Variants in NKAIN2 observed in about 807,000 individuals in gnomAD.
The protein encoded by NKAIN2 is sodium/potassium transporting ATPase interacting 2, also known as sodium/potassium-transporting ATPase subunit beta-1-interacting protein 2.
NKAIN2 carries 14 observed loss-of-function variants against 32.6 expected under a neutral mutation model. The observed-to-expected ratio is 0.43, with a 90% CI of 0.28 to 0.67. NKAIN2 has a LOEUF of 0.67. Among genes scored for constraint, NKAIN2 ranks in the 30% least tolerant of loss-of-function variants. The probability of loss-of-function intolerance (pLI) is 0.17; values close to 1 mark genes in which losing one functional copy is unlikely to be tolerated. For synonymous variants in NKAIN2, 80 were observed against 87.2 expected (o/e 0.92, Z 0.46); for missense variants, 198 against 258.3 (o/e 0.77, Z 1.60).
At chr6:124,503,602 T>C (rs940621383) in intron 3 of NKAIN2, among the ~76,000 whole-genome samples, 4 of 152,160 alleles carry the variant, frequency 2.6e-5, no homozygotes, top group African/African-American at 4.8e-5. Context: ...TTTAGAGTTT[T>C]ATGCCAATTA....
At chr6:124,723,691 G>C (rs11154257) in intron 4 of NKAIN2, among the ~76,000 whole-genome samples, 44,270 of 152,092 alleles carry the variant, frequency 0.29, 8,059 homozygotes, top group Admixed American at 0.41. Flanking sequence ...AGTTTTTACT[G>C]TAAGTAAGAA....
At chr6:124,281,699 A>G (rs553887414) in intron 1 of NKAIN2, among the ~76,000 whole-genome samples, 2 of 152,286 alleles carry the variant, frequency 1.3e-5, no homozygotes, top group East Asian at 1.9e-4. Context: ...TAGAGGTGTC[A>G]TGAATTTATT....
rs1301154812 is a variant in NKAIN2 at position 124,669,469 on chromosome 6, C to T, written c.474+11083C>T. ...TAAAAAAGAGCCAAAAGAGAATGGC[C>T]AGGGAAGGCCATTCTGTGATAGGTG... On this transcript the variant is annotated intron_variant, in intron 4 of 6. Coordinates refer to ENST00000368417, the MANE Select transcript of NKAIN2 (RefSeq NM_001040214.3). 2.6e-5 allele frequency among the ~76,000 whole-genome samples: 4 copies of T among 151,966 alleles called. No individual in the cohort carries two copies. The East Asian group carries it at 7.7e-4, about 29-fold the overall frequency.
intron 2 of NKAIN2, among the ~76,000 whole-genome samples, chr6:124,331,465 C>T (rs995572717): frequency 2.1e-5 from 3 of 145,428 alleles, no homozygotes; most frequent in Admixed American, 7.0e-5. Flanking sequence ...CGAGGCAGAC[C>T]TTGCAGTGAG....
In NKAIN2 at chr6:124,821,315, A is replaced by C. The variant is rs114987822; in HGVS notation, c.618-1905A>C. 6.0e-3 allele frequency among the ~76,000 whole-genome samples: 918 copies of C among 152,052 alleles called. 9 individuals are homozygous for C. The highest frequency in any genetic ancestry group is 0.021 in the African/African-American group (869 of 41,484). On this transcript the variant is annotated intron_variant, in intron 6 of 6. Transcript: ENST00000368417. ...GTCTCAAAAAAAAAAAAAAAGGAGA[A>C]TAAAATATCTACAAGGTTTGTAATT... is the stretch of plus-strand genomic sequence containing the variant.
intron 3 of NKAIN2, among the ~76,000 whole-genome samples, chr6:124,450,953 G>A (rs1185136981): frequency 6.6e-6 from 1 of 151,978 alleles, no homozygotes; most frequent in East Asian, 1.9e-4. Context: ...GTAAAAGTCA[G>A]TAATAATGCA....
At chr6:124,349,259 G>C (rs978552239) in intron 2 of NKAIN2, among the ~76,000 whole-genome samples, 1 of 151,954 alleles carries the variant, frequency 6.6e-6, no homozygotes, top group Admixed American at 6.6e-5. Flanking sequence ...TTGAATCCCA[G>C]GTTACCACAC....
chr6:124,404,646 A>G (rs1332465869), intron 3 of NKAIN2, among the ~76,000 whole-genome samples: 2 of 152,126 alleles, frequency 1.3e-5, no homozygotes, highest in East Asian at 1.9e-4. Context: ...AAACGACTAA[A>G]GAGTAATGGA....
At chr6:124,629,555 C>T (rs186990763) in intron 3 of NKAIN2, among the ~76,000 whole-genome samples, 1 of 152,070 alleles carries the variant, frequency 6.6e-6, no homozygotes, top group Non-Finnish European at 1.5e-5. Flanking sequence ...TGTCTCTTTA[C>T]GTTGAGGAAG....
Position 124,413,892 on chromosome 6 carries a change from A to T in NKAIN2, c.273+58545A>T, listed in dbSNP as rs189026054. 1.2e-3 allele frequency among the ~76,000 whole-genome samples: 180 copies of T among 152,282 alleles called. 1 individual carries two copies. Among genetic ancestry groups the T allele is most frequent in the African/African-American group, 4.0e-3 (165 of 41,576 alleles). ...TATATTGACATTGTAATTTATGAAC[A>T]TACTAAACTCATTTATTAGATCCAG... On this transcript the variant is annotated intron_variant, in intron 3 of 6. Coordinates refer to ENST00000368417, the MANE Select transcript of NKAIN2 (RefSeq NM_001040214.3).
At chr6:123,933,831 C>G (rs1160348837) in intron 1 of NKAIN2, among the ~76,000 whole-genome samples, 1 of 152,156 alleles carries the variant, frequency 6.6e-6, no homozygotes, top group Admixed American at 6.5e-5. Flanking sequence ...CCCTGGAATT[C>G]AGTGCTCACG....
chr6:124,632,541 C>A (rs1444320337), intron 3 of NKAIN2, among the ~76,000 whole-genome samples: 1 of 152,094 alleles, frequency 6.6e-6, no homozygotes, highest in East Asian at 1.9e-4. Flanking sequence ...AGTGAATACC[C>A]CCTCCTCTTA....
intron 1 of NKAIN2, among the ~76,000 whole-genome samples, chr6:124,208,727 A>T (rs1463774888): frequency 6.6e-6 from 1 of 150,912 alleles, no homozygotes; most frequent in Non-Finnish European, 1.5e-5. Flanking sequence ...TTTGACAGGA[A>T]ATTCCTGTAT....
At chr6:124,456,112 TA>T (rs1280824842) in intron 3 of NKAIN2, among the ~76,000 whole-genome samples, 1 of 151,922 alleles carries the variant, frequency 6.6e-6, no homozygotes, top group East Asian at 1.9e-4. Flanking sequence ...ACATAAACTT[TA>T]AAAAATATCC....
chr6:124,148,500 A>C (rs1787537974), intron 1 of NKAIN2, among the ~76,000 whole-genome samples: 1 of 152,142 alleles, frequency 6.6e-6, no homozygotes, highest in Non-Finnish European at 1.5e-5. Flanking sequence ...TAAACATACA[A>C]TAAGTGGTCT....
Position 124,202,361 on chromosome 6 carries a change from C to T in NKAIN2, c.55-80644C>T, listed in dbSNP as rs1008676270. Among the ~76,000 whole-genome samples, 4 of 151,868 alleles carry T rather than the reference C, an allele frequency of 2.6e-5. No individual in the cohort carries two copies. In the East Asian group the frequency reaches 7.7e-4, roughly 29 times the overall value. On this transcript the variant is annotated intron_variant, in intron 1 of 6. Coordinates refer to ENST00000368417, the MANE Select transcript of NKAIN2 (RefSeq NM_001040214.3). ...CTCACAATTGGCTTCGATTCCTTAG[C>T]GAGGCAGAAACCAAGTCTAATTATG...
At chr6:124,606,846 G>T (rs1782520139) in intron 3 of NKAIN2, among the ~76,000 whole-genome samples, 1 of 152,066 alleles carries the variant, frequency 6.6e-6, no homozygotes, top group Non-Finnish European at 1.5e-5. Context: ...TCCAAAGAAG[G>T]GGTTAGAATC....
intron 1 of NKAIN2, among the ~76,000 whole-genome samples, chr6:123,832,247 G>A (rs1289401251): frequency 6.6e-6 from 1 of 152,102 alleles, no homozygotes; most frequent in Admixed American, 6.5e-5. Context: ...TTTTGGATTG[G>A]CTTCTTTCAC....
At chr6:124,076,583 A>G (rs563737695) in intron 1 of NKAIN2, among the ~76,000 whole-genome samples, 10 of 152,286 alleles carry the variant, frequency 6.6e-5, no homozygotes, top group South Asian at 6.2e-4. Flanking sequence ...TGAGGGTGAA[A>G]AACAGATCAT....
Sources: gnomAD v4.1 joint callset for allele counts (sites outside exome capture counted in the v4.1 genomes callset) on GRCh38, gnomAD v4.1.1 for gene constraint, MANE v1.5 for transcripts, NCBI Gene and HGNC (gene_info 2026-07-23, HGNC 2026-07-21) for gene names.